PCMT1: variants seen among roughly 807,000 people sequenced by gnomAD.
PCMT1 encodes the protein protein-L-isoaspartate(D-aspartate) O-methyltransferase.
PCMT1 carries 9 observed loss-of-function variants against 29.2 expected under a neutral mutation model. The observed-to-expected ratio is 0.31, with a 90% CI of 0.19 to 0.54. The LOEUF is 0.54. PCMT1 is among the 20% of genes least tolerant of loss of function. PCMT1 has a pLI of 0.95. For synonymous variants in PCMT1, 98 were observed against 97.5 expected, an observed-to-expected ratio of 1.00 and a Z score of -0.03; for missense variants, 184 against 282.2, an observed-to-expected ratio of 0.65 and a Z score of 2.49.
chr6:149,777,647 T>C (rs1004127350), intron 3 of PCMT1, among the ~76,000 whole-genome samples: 1 of 152,116 alleles, frequency 6.6e-6, no homozygotes, highest in African/African-American at 2.4e-5. Flanking sequence ...CACATATATG[T>C]TTTTCTTTGG....
At chr6:149,788,120 T>C (rs578021955) in intron 3 of PCMT1, among the ~76,000 whole-genome samples, 1 of 152,142 alleles carries the variant, frequency 6.6e-6, no homozygotes, top group South Asian at 2.1e-4. Context: ...GGTTTTACTG[T>C]GTTAGCCAGG....
At chr6:149,781,442 G>A (rs12179031) in intron 3 of PCMT1, among the ~76,000 whole-genome samples, 80,937 of 151,752 alleles carry the variant, frequency 0.53, 24,768 homozygotes, top group East Asian at 0.83. Context: ...GGCCAGGCTG[G>A]TCTTGAACTC....
rs537378797 is a variant in PCMT1 at position 149,753,946 on chromosome 6, AC to A, written c.55+3991del. 3.9e-5 allele frequency among the ~76,000 whole-genome samples: 6 copies of A among 152,326 alleles called. No individual in the cohort carries two copies. The South Asian group carries it at 1.2e-3, about 32-fold the overall frequency. ...CGGAGCTTGAGAATTTGTATTTCTA[AC>A]AGATTTGTAAGTGGTGCCACTGCTG... On this transcript the variant is annotated intron_variant, in intron 1 of 7. Coordinates refer to ENST00000464889, the MANE Select transcript of PCMT1 (RefSeq NM_001360452.2).
intron 7 of PCMT1, among the ~76,000 whole-genome samples, chr6:149,808,990 C>T (rs541346861): frequency 2.7e-5 from 4 of 149,568 alleles, no homozygotes; most frequent in Admixed American, 2.0e-4. Context: ...CATGGTGGCT[C>T]ACACCTGTAA....
At chr6:149,795,574 C>A in intron 5 of PCMT1, 1 of 523,080 alleles carries the variant, frequency 1.9e-6, no homozygotes, top group Non-Finnish European at 3.5e-6. Flanking sequence ...TTTACACAAC[C>A]CAATGAGAAA....
intron 1 of PCMT1, among the ~76,000 whole-genome samples, chr6:149,761,128 A>G (rs996663122): frequency 7.3e-5 from 11 of 151,546 alleles, no homozygotes; most frequent in South Asian, 2.1e-4. Flanking sequence ...ATACTCATCC[A>G]TCTTGGCAGG....
At chr6:149,773,417 C>T (rs151299021) in intron 3 of PCMT1, among the ~76,000 whole-genome samples, 19 of 152,130 alleles carry the variant, frequency 1.2e-4, no homozygotes, top group African/African-American at 4.1e-4. Context: ...CTCGCTCTGT[C>T]GCCCAGGCTA....
At chr6:149,786,398 G>C (rs1454344394) in intron 3 of PCMT1, among the ~76,000 whole-genome samples, 3 of 137,950 alleles carry the variant, frequency 2.2e-5, no homozygotes, top group Admixed American at 1.4e-4. Context: ...GGACGGGGTG[G>C]CTGGCCGGGC....
At chr6:149,796,034 T>C (rs1788597451) in intron 5 of PCMT1, 1 of 177,000 alleles carries the variant, frequency 5.6e-6, no homozygotes, top group Non-Finnish European at 1.2e-5. Context: ...CTTTCGTTCT[T>C]AAGAGTTGTG....
intron 5 of PCMT1, 116 bp from the exon 6 acceptor site, chr6:149,796,299 C>T: frequency 1.7e-6 from 1 of 576,082 alleles, no homozygotes; most frequent in Non-Finnish European, 3.1e-6. Context: ...TCCAGTTGTC[C>T]CAGGATCATT....
intron 7 of PCMT1, among the ~76,000 whole-genome samples, chr6:149,806,237 G>A (rs1045438574): frequency 1.3e-5 from 2 of 152,164 alleles, no homozygotes; most frequent in African/African-American, 4.8e-5. Flanking sequence ...GAGATGCAAA[G>A]ACCAAGATGA....
At chr6:149,775,737 G>C (rs939796253) in intron 3 of PCMT1, among the ~76,000 whole-genome samples, 1 of 152,114 alleles carries the variant, frequency 6.6e-6, no homozygotes, top group Non-Finnish European at 1.5e-5. Context: ...GGGAAATATT[G>C]TAATACATAT....
chr6:149,751,184 G>A (rs924460507), intron 1 of PCMT1, among the ~76,000 whole-genome samples: 2 of 152,116 alleles, frequency 1.3e-5, no homozygotes, highest in African/African-American at 4.8e-5. Flanking sequence ...GGGCGTGGTG[G>A]TGCCTGCCTG....
At chr6:149,781,958 A>G (rs1449238122) in intron 3 of PCMT1, among the ~76,000 whole-genome samples, 1 of 152,070 alleles carries the variant, frequency 6.6e-6, no homozygotes, top group Admixed American at 6.6e-5. Context: ...GTTTCTATGA[A>G]TTTGGTTCCT....
At chr6:149,791,912 G>A (rs1196108367) in intron 4 of PCMT1, among the ~76,000 whole-genome samples, 2 of 152,156 alleles carry the variant, frequency 1.3e-5, no homozygotes, top group Admixed American at 1.3e-4. Flanking sequence ...ATGTGTGAAA[G>A]TACTTTGTGT....
intron 6 of PCMT1, among the ~76,000 whole-genome samples, chr6:149,799,755 C>T (rs1788751156): frequency 6.6e-6 from 1 of 152,068 alleles, no homozygotes; most frequent in Admixed American, 6.6e-5. Context: ...AAGGGAAGGG[C>T]CTGGATGGAA....
chr6:149,786,447 T>G (rs1310646664), intron 3 of PCMT1, among the ~76,000 whole-genome samples: 1 of 138,166 alleles, frequency 7.2e-6, no homozygotes, highest in Non-Finnish European at 1.5e-5. Context: ...ACGGGGTGGC[T>G]GCTGGGCGGA....
At chr6:149,773,309 T>C in intron 3 of PCMT1, 140 bp downstream of exon 3, 1 of 667,354 alleles carries the variant, frequency 1.5e-6, no homozygotes. Context: ...CATCATTTTC[T>C]TTTTTGAACA....
At chr6:149,761,579 C>G (rs893679030) in intron 1 of PCMT1, among the ~76,000 whole-genome samples, 1 of 152,126 alleles carries the variant, frequency 6.6e-6, no homozygotes, top group Non-Finnish European at 1.5e-5. Flanking sequence ...TTACACAATA[C>G]AAACCTATCC....
Sources: gnomAD v4.1 joint callset for allele counts (sites outside exome capture counted in the v4.1 genomes callset) on GRCh38, gnomAD v4.1.1 for gene constraint, MANE v1.5 for transcripts, NCBI Gene and HGNC (gene_info 2026-07-23, HGNC 2026-07-21) for gene names.